The following ANKRD36B variants were observed in gnomAD, a reference collection of about 807,000 sequenced individuals.
ANKRD36B encodes ankyrin repeat domain-containing protein 36B.
ANKRD36B carries 37 observed loss-of-function variants against 135.7 expected under a neutral mutation model. That is an observed-to-expected ratio of 0.27 (90% CI 0.21 to 0.36). ANKRD36B has a LOEUF of 0.36. ANKRD36B is among the 10% of genes least tolerant of loss of function. The pLI is 1.00. For synonymous variants in ANKRD36B, 179 were observed against 348.1 expected (o/e 0.51, Z 5.41); for missense variants, 549 against 1,037.1 (o/e 0.53, Z 6.46).
chr2:97,575,325 C>A (rs2082154574), intron 6 of ANKRD36B, among the ~76,000 whole-genome samples: 1 of 151,530 alleles, frequency 6.6e-6, no homozygotes, highest in African/African-American at 2.4e-5. Context: ...ATTATAATAA[C>A]ATCATTCTAC....
chr2:97,587,253 C>A (rs1159864508), intron 1 of ANKRD36B, among the ~76,000 whole-genome samples: 1 of 152,070 alleles, frequency 6.6e-6, no homozygotes, highest in Non-Finnish European at 1.5e-5. Flanking sequence ...TATATTTCTT[C>A]TTTTCCCAAG....
Position 97,553,387 on chromosome 2 carries a change from GATAC to G in ANKRD36B, c.1172-20_1172-17del, listed in dbSNP as rs1231043163. ...TGAGAAGACACTGAAAAGCAAAAGG[GATAC>G]ATAATCACTCATATGTAAATATGAT... On this transcript the variant is annotated splice_polypyrimidine_tract_variant and intron_variant, in intron 14 of 43. Coordinates refer to ENST00000359901, the MANE Select transcript of ANKRD36B (RefSeq NM_001393939.1). 6.2e-7 allele frequency: 1 copy of G among 1,607,348 alleles called. No individual in the cohort carries two copies. Among genetic ancestry groups the G allele is most frequent in the Non-Finnish European group, 8.5e-7 (1 of 1,176,870 alleles).
At position 97,557,009 on chromosome 2, in the gene ANKRD36B, C is replaced by T. The variant is rs1279104437; in HGVS notation, c.997G>A (p.Val333Ile). The T allele has an allele frequency of 1.3e-6, 2 of 1,558,756 alleles. No individual in the cohort carries two copies. Among genetic ancestry groups the T allele is most frequent in the South Asian group, 1.2e-5 (1 of 84,682 alleles). The change falls in exon 12 of 44, where the codon GTT becomes ATT. Residue 333 changes from valine to isoleucine, a missense_variant and splice_region_variant. Coordinates refer to ENST00000359901, the MANE Select transcript of ANKRD36B (RefSeq NM_001393939.1). ...AGAGAAACTTTCTTTTTAAATATAA[C>T]CTGAATGGAAAGAGAAACAAAATAG... is the stretch of plus-strand genomic sequence containing the variant. ...VSPQKQSAQK[V>I]IFKKKVSLLN...
rs12988692 is a variant in ANKRD36B, at chr2:97,564,320, A to G, written c.764-3460T>C. Among the ~76,000 whole-genome samples the G allele has an allele frequency of 8.3e-4, 126 of 152,246 alleles. 1 individual carries two copies. Among genetic ancestry groups the G allele is most frequent in the Non-Finnish European group, 1.5e-3 (104 of 68,006 alleles). ...ATGACTACTTACTTTCTTCATTTTT[A>G]AAACTCAGAGGTACCCCACACACAC... On this transcript the variant is annotated intron_variant, in intron 6 of 43. Transcript: ENST00000359901.
At chr2:97,570,694 G>T (rs1382279264) in intron 6 of ANKRD36B, among the ~76,000 whole-genome samples, 1 of 152,164 alleles carries the variant, frequency 6.6e-6, no homozygotes. Flanking sequence ...GCTCCCGGAA[G>T]CTTGTGCTTG....
chr2:97,578,977 A>G lies in ANKRD36B; in HGVS notation c.624T>C (p.Asn208=), dbSNP rs779119412. 1 of 1,612,936 alleles carries G rather than the reference A, an allele frequency of 6.2e-7. No individual in the cohort carries two copies. The highest frequency in any genetic ancestry group is 1.1e-5 in the South Asian group (1 of 91,002). Residue 208 remains asparagine (N), a synonymous_variant, in exon 5 of 44, where the codon AAT becomes AAC. Transcript: ENST00000359901. ...KDIVILLLQH[N]IDVFSRDVYG... is the part of the protein sequence containing the mutation. Reference sequence around the variant, plus strand: ...ACACATCTCGAGAAAACACATCAATATTGTGCTGCAGAAGAAGAATGACTA... The same window carrying G: ...ACACATCTCGAGAAAACACATCAATGTTGTGCTGCAGAAGAAGAATGACTA...
intron 12 of ANKRD36B, among the ~76,000 whole-genome samples, chr2:97,556,263 T>C (rs1424502220): frequency 6.6e-6 from 1 of 151,910 alleles, no homozygotes; most frequent in East Asian, 1.9e-4. Flanking sequence ...GTCTGATGTC[T>C]GATACTAATA....
chr2:97,556,958 C>G lies in ANKRD36B; in HGVS notation c.1048G>C (p.Gly350Arg). 1 of 1,591,728 alleles carries G rather than the reference C, an allele frequency of 6.3e-7. No homozygotes were observed. Among genetic ancestry groups the G allele is most frequent in the Non-Finnish European group, 8.6e-7 (1 of 1,169,350 alleles). Residue 350 changes from glycine (G) to arginine (R), a missense_variant, in exon 12 of 44, where the codon GGC becomes CGC. Coordinates refer to ENST00000359901, the MANE Select transcript of ANKRD36B (RefSeq NM_001393939.1). ...SLLNIATRIM[G>R]GGKSGTVSSQ... ...TTACCTGTTCCAGATTTCCCACCGCCCATTATTCTTGTGGCAATATTCAAA... is the reference window on the plus strand; with the variant it reads ...TTACCTGTTCCAGATTTCCCACCGCGCATTATTCTTGTGGCAATATTCAAA...
In ANKRD36B at chr2:97,538,531, G is replaced by A. The variant is rs908760880; in HGVS notation, c.1988-168C>T. ...CAGGAACATGAGGAAATATGCTGAA[G>A]AAAATAGGAATACACGCTTCCAGAA... On this transcript the variant is annotated intron_variant, in intron 30 of 43. Transcript: ENST00000359901. 3.1e-5 allele frequency among the ~76,000 whole-genome samples: 3 copies of A among 96,514 alleles called. 1 individual carries two copies. Among genetic ancestry groups the A allele is most frequent in the African/African-American group, 9.3e-5 (3 of 32,200 alleles). The allele number at this position is 96,514 out of a possible 152,430, so 63.3% of individuals were successfully genotyped here. A position where few individuals can be genotyped will look rare whatever the true frequency, so the allele number is the denominator to read the frequency against.
At chr2:97,549,201 T>A (rs1407473021) in intron 20 of ANKRD36B, among the ~76,000 whole-genome samples, 1 of 151,700 alleles carries the variant, frequency 6.6e-6, no homozygotes, top group Non-Finnish European at 1.5e-5. Flanking sequence ...CCAACTTCAA[T>A]GTGGGGAAGT....
chr2:97,548,621 C>A (rs1260296392), intron 20 of ANKRD36B, among the ~76,000 whole-genome samples: 3 of 151,912 alleles, frequency 2.0e-5, no homozygotes, highest in African/African-American at 4.8e-5. Flanking sequence ...AAAGAAGTTT[C>A]ATGAAATAGC....
At chr2:97,575,664 T>C (rs1314619253) in intron 6 of ANKRD36B, among the ~76,000 whole-genome samples, 2 of 148,672 alleles carry the variant, frequency 1.3e-5, no homozygotes, top group African/African-American at 2.5e-5. Context: ...TATCAACTAT[T>C]ATTGTTTTTT....
In ANKRD36B at chr2:97,586,642, T is replaced by A. The variant is rs543913504; in HGVS notation, c.162-1244A>T. On this transcript the variant is annotated intron_variant, in intron 1 of 43. Transcript: ENST00000359901. ...GTTTATTGTGAAAAAAACTATAAAT[T>A]AAAGCAGTGCTTTTGGAATAGTGAT... 1.2e-4 allele frequency among the ~76,000 whole-genome samples: 18 copies of A among 152,322 alleles called. No individual in the cohort carries two copies. The East Asian group carries it at 3.5e-3, about 29-fold the overall frequency.
chr2:97,552,955 G>A (rs902891674), intron 16 of ANKRD36B, among the ~76,000 whole-genome samples: 4 of 151,808 alleles, frequency 2.6e-5, no homozygotes, highest in African/African-American at 9.7e-5. Flanking sequence ...TTCAATGTGG[G>A]GAAGTGTATA....
In ANKRD36B at chr2:97,541,259, T is replaced by C. The variant is rs1315998662; in HGVS notation, c.1885+652A>G. Reference sequence around the variant, plus strand: ...GCCTAATAGTAGCAAAGAAGAGTAATGAGTCAGTGTGCTTTATCCCAATTC... The same window carrying C: ...GCCTAATAGTAGCAAAGAAGAGTAACGAGTCAGTGTGCTTTATCCCAATTC... On this transcript the variant is annotated intron_variant, in intron 28 of 43. Coordinates refer to ENST00000359901, the MANE Select transcript of ANKRD36B (RefSeq NM_001393939.1). Among the ~76,000 whole-genome samples, 24 of 96,808 alleles carry C rather than the reference T, an allele frequency of 2.5e-4. 5 individuals carry two copies. Among genetic ancestry groups the C allele is most frequent in the East Asian group, 2.1e-3 (9 of 4,298 alleles). 63.5% of individuals were successfully genotyped at this position (96,808 alleles called of 152,430 possible).
intron 1 of ANKRD36B, among the ~76,000 whole-genome samples, chr2:97,587,169 T>G (rs977246556): frequency 1.3e-5 from 2 of 152,150 alleles, no homozygotes; most frequent in African/African-American, 4.8e-5. Context: ...TGAGACTCCA[T>G]CTCAAAAATA....
At chr2:97,551,857 T>C (rs1254341753) in intron 16 of ANKRD36B, among the ~76,000 whole-genome samples, 8 of 151,990 alleles carry the variant, frequency 5.3e-5, no homozygotes, top group Non-Finnish European at 8.8e-5. Context: ...ATGTCTTTCA[T>C]GCAACAAATC....
chr2:97,514,059 T>A (rs1339116770), intron 37 of ANKRD36B, among the ~76,000 whole-genome samples: 9 of 135,472 alleles, frequency 6.6e-5, no homozygotes, highest in Non-Finnish European at 1.3e-4. Context: ...TCTCAGGACC[T>A]CCTGAGGGCT....
At chr2:97,528,995 T>G (rs1196892909) in intron 35 of ANKRD36B, among the ~76,000 whole-genome samples, 1 of 96,756 alleles carries the variant, frequency 1.0e-5, no homozygotes, top group African/African-American at 3.1e-5. Context: ...ACTGGTACCA[T>G]TCCTTCTGAA....
Sources: gnomAD v4.1 joint callset for allele counts (sites outside exome capture counted in the v4.1 genomes callset) on GRCh38, gnomAD v4.1.1 for gene constraint, MANE v1.5 for transcripts, NCBI Gene and HGNC (gene_info 2026-07-23, HGNC 2026-07-21) for gene names.